The following ANO1 variants were observed in gnomAD, a reference collection of about 807,000 sequenced individuals.
ANO1 encodes the protein anoctamin 1.
ANO1 carries 59 observed loss-of-function variants against 124.0 expected under a neutral mutation model. The observed-to-expected ratio is 0.48, with a 90% confidence interval of 0.39 to 0.59. ANO1 has a LOEUF of 0.59. ANO1 is among the 20% of genes least tolerant of loss of function. ANO1 has a pLI of 0.00. For missense variants in ANO1, 1,059 were observed against 1,328.0 expected (o/e 0.80, Z 3.15); for synonymous variants, 529 against 532.0 (o/e 0.99, Z 0.08).
intron 6 of ANO1, among the ~76,000 whole-genome samples, chr11:70,109,107 G>A (rs2045670537): frequency 6.6e-6 from 1 of 152,184 alleles, no homozygotes; most frequent in African/African-American, 2.4e-5. Context: ...CTTATGACCT[G>A]CTGAGAGCCG....
chr11:70,069,845 A>G (rs552699980), intron 1 of ANO1, among the ~76,000 whole-genome samples: 1 of 152,270 alleles, frequency 6.6e-6, no homozygotes, highest in South Asian at 2.1e-4. Context: ...CACTAGAACC[A>G]CTGATTATGC....
chr11:70,137,518 A>G (rs953473526), intron 11 of ANO1, among the ~76,000 whole-genome samples: 1 of 141,392 alleles, frequency 7.1e-6, no homozygotes, highest in African/African-American at 2.5e-5. Flanking sequence ...CCTCTCTCTG[A>G]TCATGACCCA....
chr11:70,107,760 C>T (rs571311187), intron 5 of ANO1, among the ~76,000 whole-genome samples: 1 of 152,226 alleles, frequency 6.6e-6, no homozygotes, highest in African/African-American at 2.4e-5. Context: ...GGCCACCAAA[C>T]AAAACACGTC....
intron 1 of ANO1, among the ~76,000 whole-genome samples, chr11:70,027,503 G>T (rs549940684): frequency 6.6e-6 from 1 of 152,328 alleles, no homozygotes; most frequent in South Asian, 2.1e-4. Context: ...CGGAACTACC[G>T]CAAGCCAGGG....
chr11:70,181,487 C>T (rs1227947579), intron 23 of ANO1, among the ~76,000 whole-genome samples: 1 of 152,252 alleles, frequency 6.6e-6, no homozygotes, highest in African/African-American at 2.4e-5. Context: ...CCCGCCCAGA[C>T]AAAGGCGCGC....
At chr11:70,160,665 G>T (rs930295771) in intron 16 of ANO1, among the ~76,000 whole-genome samples, 1 of 152,194 alleles carries the variant, frequency 6.6e-6, no homozygotes, top group Non-Finnish European at 1.5e-5. Flanking sequence ...TGTGAGAGAG[G>T]CACACCTCAG....
upstream of ANO1, among the ~76,000 whole-genome samples, chr11:69,984,979 G>T (rs1449566241): frequency 2.0e-5 from 3 of 152,238 alleles, no homozygotes; most frequent in Non-Finnish European, 2.9e-5. Context: ...GAGGTTTGTG[G>T]GTACACAAGG....
chr11:69,971,850 C>T, the ANO1 span, among the ~76,000 whole-genome samples: 1 of 152,164 alleles, frequency 6.6e-6, no homozygotes, highest in Non-Finnish European at 1.5e-5. Context: ...CCCATCCTTA[C>T]CTACTTTGCA....
intron 2 of ANO1, 145 bp from the exon 3 acceptor site, chr11:70,102,921 T>C: frequency 1.6e-6 from 1 of 622,118 alleles, no homozygotes; most frequent in Non-Finnish European, 2.9e-6. Flanking sequence ...TGCCTCAAAG[T>C]GTTGTCAACG....
intron 1 of ANO1, among the ~76,000 whole-genome samples, chr11:70,001,972 G>A (rs540048578): frequency 3.5e-4 from 53 of 152,152 alleles, no homozygotes; most frequent in Middle Eastern, 3.4e-3. Flanking sequence ...TTTGGAAGGA[G>A]TGTTTAAATT....
Position 70,188,766 on chromosome 11 carries a change from C to T in ANO1, c.*762C>T, listed in dbSNP as rs1037983122. 2 of 152,302 alleles carry T rather than the reference C, an allele frequency of 1.3e-5. No homozygotes were observed. Among genetic ancestry groups the T allele is most frequent in the Non-Finnish European group, 2.9e-5 (2 of 68,030 alleles). 9.4% of individuals were successfully genotyped at this position (152,302 alleles called of 1,614,324 possible). On this transcript the variant is annotated 3_prime_UTR_variant, in exon 26 of 26. Transcript: ENST00000355303. ...TGTTCATCTTCCTTATGGGACAAAA[C>T]CGGTTGACCAGAAAATGGGCAGAGA...
chr11:69,999,748 T>C (rs551836276), intron 1 of ANO1, among the ~76,000 whole-genome samples: 1 of 152,330 alleles, frequency 6.6e-6, no homozygotes, highest in Non-Finnish European at 1.5e-5. Context: ...GAGGCATTTG[T>C]ACTGCAGCTT....
At chr11:70,084,312 T>A (rs1245213237) in intron 1 of ANO1, among the ~76,000 whole-genome samples, 1 of 152,156 alleles carries the variant, frequency 6.6e-6, no homozygotes, top group Non-Finnish European at 1.5e-5. Context: ...AGTCACCAGC[T>A]CCCTGTAACC....
chr11:70,152,843 A>T (rs928318128), intron 13 of ANO1, among the ~76,000 whole-genome samples: 7 of 152,192 alleles, frequency 4.6e-5, no homozygotes, highest in Non-Finnish European at 1.0e-4. Context: ...GGCCCTCCCA[A>T]TGGGCTGGGG....
At chr11:70,169,197 G>A (rs566128057) in intron 21 of ANO1, among the ~76,000 whole-genome samples, 1 of 152,270 alleles carries the variant, frequency 6.6e-6, no homozygotes, top group Non-Finnish European at 1.5e-5. Flanking sequence ...TTTCCTAGTG[G>A]CTGGACATCA....
At chr11:69,992,460 A>C (rs1856175264) in intron 1 of ANO1, among the ~76,000 whole-genome samples, 1 of 152,164 alleles carries the variant, frequency 6.6e-6, no homozygotes, top group Admixed American at 6.5e-5. Flanking sequence ...AGAGCAAGGA[A>C]TGTGCCTAAT....
intron 1 of ANO1, among the ~76,000 whole-genome samples, chr11:70,083,340 C>A (rs1053976206): frequency 6.6e-6 from 1 of 152,084 alleles, no homozygotes; most frequent in Admixed American, 6.5e-5. Flanking sequence ...GACAAAAACA[C>A]GAAGCTGTGT....
the ANO1 span, among the ~76,000 whole-genome samples, chr11:69,970,717 G>C: frequency 0.014 from 2,089 of 152,308 alleles, 27 homozygotes; most frequent in Non-Finnish European, 0.019. Flanking sequence ...ACCTTTAAAA[G>C]GGTGGAAGTT....
chr11:70,056,463 C>G (rs999621038), intron 1 of ANO1: 1 of 151,516 alleles, frequency 6.6e-6, no homozygotes, highest in Non-Finnish European at 1.5e-5. Context: ...TTGTTTTCAC[C>G]AATTTTGCTA....
Sources: gnomAD v4.1 joint callset for allele counts (sites outside exome capture counted in the v4.1 genomes callset) on GRCh38, gnomAD v4.1.1 for gene constraint, MANE v1.5 for transcripts, NCBI Gene and HGNC (gene_info 2026-07-23, HGNC 2026-07-21) for gene names.